EGFLAM: variants seen among roughly 807,000 people sequenced by gnomAD.
The protein encoded by EGFLAM is pikachurin.
A neutral mutation model predicts 113.1 loss-of-function variants in EGFLAM; 79 were observed. The ratio of observed to expected loss-of-function variants is 0.70; its 90% CI spans 0.58 to 0.84. The LOEUF (loss-of-function observed/expected upper bound fraction) is 0.84, where lower values mean the gene tolerates loss of function less well. EGFLAM is among the 40% of genes least tolerant of loss of function. The pLI, the probability that EGFLAM is intolerant of heterozygous loss-of-function variation, is 0.00. For missense variants in EGFLAM, 1,265 were observed against 1,291.6 expected, an observed-to-expected ratio of 0.98 and a Z score of 0.32; for synonymous variants, 504 against 487.6, an observed-to-expected ratio of 1.03 and a Z score of -0.44.
Position 38,399,276 on chromosome 5 carries a change from C to CG in EGFLAM, c.713-6849dup, listed in dbSNP as rs1372955362. Reference sequence around the variant, plus strand: ...CCAGGTTCTTTTTTATTTTTGTTTTCGTTTTTTTTTTTTTTTTTTGAGATG... The same window carrying CG: ...CCAGGTTCTTTTTTATTTTTGTTTTCGGTTTTTTTTTTTTTTTTTTGAGATG... On this transcript the variant is annotated intron_variant, in intron 6 of 21. Coordinates refer to ENST00000322350, the MANE Select transcript of EGFLAM (RefSeq NM_152403.4). Among the ~76,000 whole-genome samples the CG allele has an allele frequency of 2.6e-3, 322 of 123,422 alleles. 3 individuals are homozygous for CG. Among genetic ancestry groups the CG allele is most frequent in the African/African-American group, 7.2e-3 (233 of 32,402 alleles). The allele number at this position is 123,422 out of a possible 152,430, so 81.0% of individuals were successfully genotyped here.
At chr5:38,280,595 T>G (rs1313520533) in intron 1 of EGFLAM, among the ~76,000 whole-genome samples, 1 of 152,168 alleles carries the variant, frequency 6.6e-6, no homozygotes, top group Non-Finnish European at 1.5e-5. Context: ...GGCTTCCAAC[T>G]CTGGCTGGCT....
At chr5:38,434,201 A>G (rs1742273187) in intron 15 of EGFLAM, among the ~76,000 whole-genome samples, 1 of 152,086 alleles carries the variant, frequency 6.6e-6, no homozygotes, top group African/African-American at 2.4e-5. Context: ...CTAAGCCCCA[A>G]CGTCTTCCAG....
chr5:38,367,288 T>G (rs1740087815), intron 5 of EGFLAM, among the ~76,000 whole-genome samples: 2 of 151,616 alleles, frequency 1.3e-5, no homozygotes. Context: ...TTTTTTAAGT[T>G]TTTTGCAGAG....
intron 6 of EGFLAM, among the ~76,000 whole-genome samples, chr5:38,389,612 T>C (rs1180967245): frequency 6.6e-6 from 1 of 152,308 alleles, no homozygotes; most frequent in East Asian, 1.9e-4. Flanking sequence ...GAAACATTAG[T>C]CCTTCCAAAC....
chr5:38,317,392 C>T (rs566366001), intron 1 of EGFLAM, among the ~76,000 whole-genome samples: 2 of 152,210 alleles, frequency 1.3e-5, no homozygotes, highest in African/African-American at 4.8e-5. Flanking sequence ...CTCACCATGC[C>T]TTGTGCCTGG....
chr5:38,352,418 G>A, intron 5 of EGFLAM, 87 bp downstream of exon 5: 1 of 1,547,630 alleles, frequency 6.5e-7, no homozygotes, highest in East Asian at 2.4e-5. Flanking sequence ...GCAGGCTGAG[G>A]CGGGCAGATC....
chr5:38,303,957 G>GA (rs1758657940), intron 1 of EGFLAM, among the ~76,000 whole-genome samples: 1 of 150,924 alleles, frequency 6.6e-6, no homozygotes, highest in Admixed American at 6.6e-5. Flanking sequence ...CCAATATGGT[G>GA]AAACCTTGTC....
At chr5:38,308,292 C>T (rs1227451827) in intron 1 of EGFLAM, among the ~76,000 whole-genome samples, 2 of 152,220 alleles carry the variant, frequency 1.3e-5, no homozygotes, top group African/African-American at 2.4e-5. Context: ...GGCTGTGGGG[C>T]CCTGCCTGCC....
chr5:38,331,947 G>A (rs1896662), intron 1 of EGFLAM, among the ~76,000 whole-genome samples: 49,992 of 152,026 alleles, frequency 0.33, 10,003 homozygotes, highest in African/African-American at 0.57. Flanking sequence ...AAATACTAAC[G>A]AGTGCACATG....
At chr5:38,336,124 G>A (rs112308371) in intron 1 of EGFLAM, among the ~76,000 whole-genome samples, 4 of 152,128 alleles carry the variant, frequency 2.6e-5, no homozygotes, top group African/African-American at 7.2e-5. Context: ...TGGCACATGT[G>A]TTATATGGAA....
At chr5:38,380,697 C>G (rs1326400560) in intron 6 of EGFLAM, among the ~76,000 whole-genome samples, 1 of 152,168 alleles carries the variant, frequency 6.6e-6, no homozygotes, top group African/African-American at 2.4e-5. Flanking sequence ...GGCAATCGCT[C>G]TATTGATTTG....
chr5:38,435,007 C>T, intron 15 of EGFLAM, 130 bp from the exon 16 acceptor site: 2 of 696,106 alleles, frequency 2.9e-6, no homozygotes, highest in Non-Finnish European at 5.0e-6. Context: ...CTTGTGTAGA[C>T]AGATTGTCAT....
At chr5:38,329,846 G>T (rs529895888) in intron 1 of EGFLAM, among the ~76,000 whole-genome samples, 1 of 152,168 alleles carries the variant, frequency 6.6e-6, no homozygotes, top group African/African-American at 2.4e-5. Context: ...CTGCTAATTT[G>T]TGTCCCTATG....
intron 1 of EGFLAM, among the ~76,000 whole-genome samples, chr5:38,317,323 G>T (rs1430574058): frequency 6.6e-6 from 1 of 152,126 alleles, no homozygotes; most frequent in African/African-American, 2.4e-5. Flanking sequence ...CTGCCCAGGA[G>T]GGAGTAGGGC....
chr5:38,263,693 T>G (rs1757560261), intron 1 of EGFLAM, among the ~76,000 whole-genome samples: 1 of 152,228 alleles, frequency 6.6e-6, no homozygotes, highest in Admixed American at 6.5e-5. Flanking sequence ...GCTGTTTTTT[T>G]GAAAGCTTAA....
At chr5:38,299,249 G>T (rs1758516773) in intron 1 of EGFLAM, among the ~76,000 whole-genome samples, 1 of 152,150 alleles carries the variant, frequency 6.6e-6, no homozygotes, top group Non-Finnish European at 1.5e-5. Context: ...GCCTACTCAG[G>T]TGCTCATTAC....
At chr5:38,365,310 T>C (rs1014356428) in intron 5 of EGFLAM, among the ~76,000 whole-genome samples, 3 of 152,164 alleles carry the variant, frequency 2.0e-5, no homozygotes, top group Non-Finnish European at 2.9e-5. Flanking sequence ...CAGGTGTATG[T>C]ATGTGTGTGT....
chr5:38,277,414 C>T (rs780199608), intron 1 of EGFLAM, among the ~76,000 whole-genome samples: 1 of 152,088 alleles, frequency 6.6e-6, no homozygotes, highest in Non-Finnish European at 1.5e-5. Flanking sequence ...GAATGTACCT[C>T]AACATAATAA....
chr5:38,326,784 G>T (rs1386288985), intron 1 of EGFLAM, among the ~76,000 whole-genome samples: 7 of 145,970 alleles, frequency 4.8e-5, no homozygotes. Context: ...GAGCCACCGC[G>T]CCTGGCCCGT....
Sources: allele counts gnomAD v4.1 joint callset (sites outside exome capture counted in the v4.1 genomes callset), GRCh38; gene constraint gnomAD v4.1.1; transcripts MANE v1.5; gene names NCBI Gene and HGNC (gene_info 2026-07-23, HGNC 2026-07-21).